Variants in POLE observed in about 807,000 individuals in gnomAD.
POLE encodes DNA polymerase epsilon, catalytic subunit.
A neutral mutation model predicts 279.2 loss-of-function variants in POLE; 188 were observed. That is an observed-to-expected ratio of 0.67 (90% CI 0.60 to 0.76). POLE has a LOEUF of 0.76. Ranked by LOEUF, POLE falls within the 30% of genes least tolerant of loss-of-function variation. The pLI, the probability that POLE is intolerant of heterozygous loss-of-function variation, is 0.00. For missense variants in POLE, 2,703 were observed against 3,016.7 expected, an observed-to-expected ratio of 0.90 and a Z score of 2.44; for synonymous variants, 1,214 against 1,172.5, an observed-to-expected ratio of 1.04 and a Z score of -0.72.
At position 132,624,968 on chromosome 12, in the gene POLE, C is replaced by T. The variant is rs1474304429; in HGVS notation, c.6684G>A (p.Lys2228=). The T allele has an allele frequency of 6.2e-7, 1 of 1,613,938 alleles. No individual in the cohort carries two copies. ...DLVCLKCRGV[K]ETSMPVYCSC... Reference sequence around the variant, plus strand: ...TGCAGTACACAGGCATGCTGGTCTCCTTCACCCCGCGGCACTTCAGGCAGA... The same window carrying T: ...TGCAGTACACAGGCATGCTGGTCTCTTTCACCCCGCGGCACTTCAGGCAGA... Residue 2228 remains lysine (K), a synonymous_variant, in exon 48 of 49, where the codon AAG becomes AAA. Coordinates refer to ENST00000320574, the MANE Select transcript of POLE (RefSeq NM_006231.4).
Position 132,687,234 on chromosome 12 carries a change from C to G in POLE, c.62+20G>C, listed in dbSNP as rs2043296140. 1 of 1,472,706 alleles carries G rather than the reference C, an allele frequency of 6.8e-7. No homozygotes were observed. Among genetic ancestry groups the G allele is most frequent in the Admixed American group, 2.2e-5 (1 of 46,176 alleles). The allele number at this position is 1,472,706 out of a possible 1,614,324, so 91.2% of individuals were successfully genotyped here. ...CCCTCCGGAGGGCCGGCCCGAGAGC[C>G]TCAGGAGGGCGCCCCTCACCTGCTG... On this transcript the variant is annotated intron_variant, in intron 1 of 48. Coordinates refer to ENST00000320574, the MANE Select transcript of POLE (RefSeq NM_006231.4).
chr12:132,669,404 T>C (rs1329919003), intron 16 of POLE, among the ~76,000 whole-genome samples: 2 of 151,500 alleles, frequency 1.3e-5, no homozygotes, highest in Non-Finnish European at 2.9e-5. Flanking sequence ...GTCAAGGCTG[T>C]AGTGAGCCCA....
At position 132,658,881 on chromosome 12, in the gene POLE, C is replaced by CAAAAAA. The variant is rs1167117347; in HGVS notation, c.3275+408_3275+413dup. ...ACTGGTCCTATTTGTATATAACCAC[C>CAAAAAA]AAAAAAAAAAAAAAAAAAAAAAAAA... On this transcript the variant is annotated intron_variant, in intron 26 of 48. Coordinates refer to ENST00000320574, the MANE Select transcript of POLE (RefSeq NM_006231.4). 3.1e-3 allele frequency among the ~76,000 whole-genome samples: 104 copies of CAAAAAA among 33,808 alleles called. 23 individuals are homozygous for CAAAAAA. Among genetic ancestry groups the CAAAAAA allele is most frequent in the East Asian group, 4.7e-3 (5 of 1,064 alleles). The allele number at this position is 33,808 out of a possible 152,430, so 22.2% of individuals were successfully genotyped here. A position where few individuals can be genotyped will look rare whatever the true frequency, so the allele number is the denominator to read the frequency against.
intron 12 of POLE, among the ~76,000 whole-genome samples, chr12:132,674,299 C>T (rs1012772584): frequency 2.6e-5 from 4 of 152,126 alleles, no homozygotes; most frequent in South Asian, 2.1e-4. Context: ...CTCCACCCCC[C>T]GCAGCCTCCA....
At chr12:132,647,565 G>A (rs1035473688) in intron 32 of POLE, among the ~76,000 whole-genome samples, 1 of 152,024 alleles carries the variant, frequency 6.6e-6, no homozygotes, top group Non-Finnish European at 1.5e-5. Flanking sequence ...TACACACAGA[G>A]GAACAGAATC....
Position 132,665,284 on chromosome 12 carries a change from G to A in POLE, c.2468+18C>T, listed in dbSNP as rs748559369. The A allele has an allele frequency of 1.4e-5, 22 of 1,608,652 alleles. 1 individual carries two copies. In the South Asian group the frequency reaches 1.5e-4, roughly 11 times the overall value. ...TCCATTCCTCCCATAAGCCTCTCCC[G>A]GGCCCGGGCCCACCTACCCCTTGCG... is the stretch of plus-strand genomic sequence containing the variant. On this transcript the variant is annotated intron_variant, in intron 21 of 48. Coordinates refer to ENST00000320574, the MANE Select transcript of POLE (RefSeq NM_006231.4).
chr12:132,632,665 G>A lies in POLE; in HGVS notation c.6135C>T (p.Pro2045=), dbSNP rs368662693. 91 of 1,613,844 alleles carry A rather than the reference G, an allele frequency of 5.6e-5. No individual in the cohort carries two copies. The highest frequency in any genetic ancestry group is 2.5e-4 in the East Asian group (11 of 44,874). The part of the protein sequence containing the change: ...QEAEGAVGAL[P]GMITFSQDYV... ...CTCAAAAGACAAAAGACTGCTCACC[G>A]GGAAGGGCTCCGACCGCCCCCTCGG... is the stretch of plus-strand genomic sequence containing the variant. Residue 2045 remains proline (P), a splice_region_variant and synonymous_variant, in exon 44 of 49, where the codon CCC becomes CCT. Coordinates refer to ENST00000320574, the MANE Select transcript of POLE (RefSeq NM_006231.4).
At chr12:132,655,601 A>T (rs1342333272) in intron 29 of POLE, among the ~76,000 whole-genome samples, 2 of 152,230 alleles carry the variant, frequency 1.3e-5, no homozygotes, top group Admixed American at 1.3e-4. Context: ...GATTGGAGGT[A>T]AATTCTTCTT....
In POLE at chr12:132,643,860, T is replaced by A. The variant is rs139498590; in HGVS notation, c.4267A>T (p.Ile1423Phe). 1.9e-6 allele frequency: 3 copies of A among 1,614,162 alleles called. No individual in the cohort carries two copies. The highest frequency in any genetic ancestry group is 2.5e-6 in the Non-Finnish European group (3 of 1,180,002). Residue 1423 changes from isoleucine to phenylalanine, a missense_variant, in exon 33 of 49, where the codon ATC (isoleucine) becomes TTC (phenylalanine). By Grantham distance (21) the Ile-to-Phe change is conservative (BLOSUM62 0). Transcript: ENST00000320574. ...EINAELSAPD[I>F]EGVYETQVPL... is the part of the protein sequence containing the mutation. ...ACCTGAGTCTCATATACGCCCTCGA[T>A]GTCTGGCGCTGACAGCTCAGCGTTG...
intron 19 of POLE, 140 bp from the exon 20 acceptor site, chr12:132,667,788 A>G: frequency 1.1e-6 from 1 of 949,730 alleles, no homozygotes. Context: ...AGTTTCTCAT[A>G]CCGAAAAAGG....
Position 132,634,512 on chromosome 12 carries a change from C to A in POLE, c.5812-134G>T, listed in dbSNP as rs367659155. On this transcript the variant is annotated intron_variant, in intron 42 of 48. Transcript: ENST00000320574. The surrounding 1 kb of genome is among the most constrained non-coding windows in gnomAD (Gnocchi z 4.0). ...CCAGAGGCCTTCCTCGCAGTCAAGGCATCCCCTGGAGCCTGCGTGAATCCC... is the reference window on the plus strand; with the variant it reads ...CCAGAGGCCTTCCTCGCAGTCAAGGAATCCCCTGGAGCCTGCGTGAATCCC... 1.2e-3 allele frequency: 997 copies of A among 853,982 alleles called. 28 individuals carry two copies. In the South Asian group the frequency reaches 0.016, roughly 13 times the overall value. The allele number at this position is 853,982 out of a possible 1,614,324, so 52.9% of individuals were successfully genotyped here.
intron 12 of POLE, 107 bp from the exon 13 acceptor site, chr12:132,673,814 C>G (rs2042985528): frequency 7.6e-7 from 1 of 1,308,886 alleles, no homozygotes. Flanking sequence ...AAGTTCCTAA[C>G]AGGCACCCAG....
intron 2 of POLE, 199 bp from the exon 3 acceptor site, chr12:132,680,886 T>G (rs1476037498): frequency 3.2e-6 from 2 of 625,674 alleles, no homozygotes; most frequent in Non-Finnish European, 2.8e-6. Context: ...TCTCTCTCAA[T>G]TTCTCCCTCA....
In POLE at chr12:132,642,497, T is replaced by C. The variant is rs1555222544; in HGVS notation, c.4952+9A>G. ...GACCACTGGCCCACAACGACAGTACTGTGCTCACCTGCTCATCTCGAAGGC... is the reference window on the plus strand; with the variant it reads ...GACCACTGGCCCACAACGACAGTACCGTGCTCACCTGCTCATCTCGAAGGC... On this transcript the variant is annotated intron_variant, in intron 37 of 48. Transcript: ENST00000320574. 1 of 1,613,298 alleles carries C rather than the reference T, an allele frequency of 6.2e-7. No individual in the cohort carries two copies. The highest frequency in any genetic ancestry group is 1.1e-5 in the South Asian group (1 of 91,064).
At chr12:132,632,999 T>A in intron 43 of POLE, 1 of 575,570 alleles carries the variant, frequency 1.7e-6, no homozygotes, top group Non-Finnish European at 3.0e-6. Flanking sequence ...CGCTGACACC[T>A]GAGTTCATTG....
chr12:132,626,369 GCT>G (rs1566309459), intron 45 of POLE, 52 bp from the exon 46 acceptor site: 7 of 1,560,462 alleles, frequency 4.5e-6, no homozygotes, highest in East Asian at 2.2e-5. Context: ...CCTCCCTGCT[GCT>G]CTGTCTGGAC....
At position 132,657,887 on chromosome 12, in the gene POLE, T is replaced by G. The variant is rs1565953982; in HGVS notation, c.3359A>C (p.Gln1120Pro). 1 of 1,613,440 alleles carries G rather than the reference T, an allele frequency of 6.2e-7. No homozygotes were observed. Among genetic ancestry groups the G allele is most frequent in the African/African-American group, 1.3e-5 (1 of 75,042 alleles). Residue 1120 changes from glutamine to proline, a missense_variant, in exon 27 of 49, where the codon CAA becomes CCA. Around this residue, in one of 5 missense-constraint regions of POLE, gnomAD observed 1,551 missense variants for 1,686.1 expected, o/e 0.92. Coordinates refer to ENST00000320574, the MANE Select transcript of POLE (RefSeq NM_006231.4). ...ACTCACTGCTCGAATATCAAAGTCTTGAAGGGAAGAGCTCTTGAGCCATTT... is the reference window on the plus strand; with the variant it reads ...ACTCACTGCTCGAATATCAAAGTCTGGAAGGGAAGAGCTCTTGAGCCATTT... ...LRKWLKSSSL[Q>P]DFDIRAILDW...
At chr12:132,669,488 A>G (rs1412335737) in intron 16 of POLE, among the ~76,000 whole-genome samples, 1 of 152,098 alleles carries the variant, frequency 6.6e-6, no homozygotes, top group Non-Finnish European at 1.5e-5. Context: ...AAAAAGAAAA[A>G]TCCTTAAAAC....
chr12:132,632,586 C>A (rs1430900339), intron 44 of POLE, 78 bp from the exon 45 acceptor site: 2 of 1,608,546 alleles, frequency 1.2e-6, no homozygotes, highest in Non-Finnish European at 1.7e-6. Flanking sequence ...GGACTGGCAC[C>A]GGGGACCACC....
Sources: allele counts gnomAD v4.1 joint callset (sites outside exome capture counted in the v4.1 genomes callset), GRCh38; gene constraint gnomAD v4.1.1; regional missense constraint gnomAD v4.1.1; non-coding constraint Gnocchi (gnomAD v3.1); transcripts MANE v1.5; gene names NCBI Gene and HGNC (gene_info 2026-07-23, HGNC 2026-07-21).